Variants in ANK3 observed in about 807,000 individuals in gnomAD.
ANK3 encodes ankyrin 3.
Under a neutral mutation model 370.9 loss-of-function variants are expected in ANK3, and 57 were observed. The observed-to-expected ratio is 0.15, with a 90% CI of 0.12 to 0.19. ANK3 has a LOEUF of 0.19. Ranked by LOEUF, ANK3 falls within the 10% of genes least tolerant of loss-of-function variation. The probability of loss-of-function intolerance (pLI) is 1.00; values close to 1 mark genes in which losing one functional copy is unlikely to be tolerated. For synonymous variants in ANK3, 1,929 were observed against 1,946.3 expected (o/e 0.99, Z 0.23); for missense variants, 4,439 against 5,302.1 (o/e 0.84, Z 5.06).
chr10:60,109,059 G>A lies in ANK3; in HGVS notation c.2949-5C>T. On this transcript the variant is annotated splice_polypyrimidine_tract_variant and splice_region_variant and intron_variant, in intron 26 of 43. Coordinates refer to ENST00000280772, the MANE Select transcript of ANK3 (RefSeq NM_020987.5). The stretch of plus-strand genomic sequence containing the variant: ...ACCATAAAGCTAACCAGAAACCTGA[G>A]GGGAGAAGATCAGAGGCCAATTCAA... 1 of 1,611,168 alleles carries A rather than the reference G, an allele frequency of 6.2e-7. No individual in the cohort carries two copies. The highest frequency in any genetic ancestry group is 1.3e-5 in the African/African-American group (1 of 74,970).
chr10:60,233,531 A>C (rs2132533106), intron 8 of ANK3, among the ~76,000 whole-genome samples: 2 of 152,284 alleles, frequency 1.3e-5, no homozygotes, highest in Middle Eastern at 6.8e-3. Flanking sequence ...TCCTGGGCTC[A>C]AGCGATCCTC....
rs560365253 is a variant in ANK3, at chr10:60,168,635, A to C, written c.2479-1739T>G. On this transcript the variant is annotated intron_variant, in intron 21 of 43. Coordinates refer to ENST00000280772, the MANE Select transcript of ANK3 (RefSeq NM_020987.5). ...AATGTGTGCCATGGTGGTTTACTGC[A>C]CCTATGAACCCATCACCTAGGTATT... 3.3e-5 allele frequency among the ~76,000 whole-genome samples: 5 copies of C among 152,194 alleles called. No individual in the cohort carries two copies. The South Asian group carries it at 6.2e-4, about 19-fold the overall frequency.
chr10:60,127,732 T>C (rs2093839026), intron 25 of ANK3, among the ~76,000 whole-genome samples: 1 of 144,022 alleles, frequency 6.9e-6, no homozygotes, highest in Admixed American at 7.2e-5. Context: ...AGAGTCTCGC[T>C]CTGTCTCCCA....
intron 1 of ANK3, among the ~76,000 whole-genome samples, chr10:60,640,029 T>C (rs1047609338): frequency 4.0e-5 from 6 of 151,770 alleles, no homozygotes; most frequent in Non-Finnish European, 7.4e-5. Context: ...ATCATACAAA[T>C]ACTAACAAAG....
intron 12 of ANK3, among the ~76,000 whole-genome samples, chr10:60,201,092 T>C (rs900299837): frequency 2.0e-5 from 3 of 152,270 alleles, no homozygotes; most frequent in Non-Finnish European, 2.9e-5. Context: ...CTTTGCTTTA[T>C]AGGCCACCTA....
At position 60,443,564 on chromosome 10, in the gene ANK3, C is replaced by T. The variant is rs368878556; in HGVS notation, c.97-163925G>A. 1.8e-3 allele frequency among the ~76,000 whole-genome samples: 268 copies of T among 152,204 alleles called. 1 individual carries two copies. Among genetic ancestry groups the T allele is most frequent in the South Asian group, 4.8e-3 (23 of 4,822 alleles). ...AACATAAACTCCTTCATTTCAGAAC[C>T]CCCGGCGTGACCCATTGCTTTTTGC... On this transcript the variant is annotated intron_variant, in intron 2 of 43. Transcript: ENST00000373827.
intron 9 of ANK3, 101 bp downstream of exon 9, chr10:60,213,311 G>C: frequency 1.3e-6 from 1 of 769,200 alleles, no homozygotes; most frequent in Non-Finnish European, 2.1e-6. Context: ...TACTCTGACT[G>C]CTACATTGAA....
intron 4 of ANK3, among the ~76,000 whole-genome samples, chr10:60,271,910 C>G (rs2097993578): frequency 6.7e-6 from 1 of 150,250 alleles, no homozygotes; most frequent in East Asian, 1.9e-4. Context: ...ATCTAGTTGC[C>G]AAGCTCAAGA....
intron 7 of ANK3, among the ~76,000 whole-genome samples, chr10:60,252,633 T>C (rs907626016): frequency 6.6e-6 from 1 of 152,210 alleles, no homozygotes; most frequent in South Asian, 2.1e-4. Flanking sequence ...CCAATTTCCA[T>C]GATTTCTTTT....
intron 1 of ANK3, among the ~76,000 whole-genome samples, chr10:60,697,178 T>C (rs1230348704): frequency 1.3e-5 from 2 of 150,916 alleles, no homozygotes; most frequent in African/African-American, 2.4e-5. Flanking sequence ...ATAAAATACC[T>C]AGGAATCCAA....
At chr10:60,211,181 C>T (rs866980795) in intron 9 of ANK3, among the ~76,000 whole-genome samples, 4 of 152,098 alleles carry the variant, frequency 2.6e-5, no homozygotes, top group Non-Finnish European at 5.9e-5. Context: ...GTGTATGGAG[C>T]CGTCAGGTCT....
chr10:60,547,613 G>C (rs2076996030), intron 2 of ANK3, among the ~76,000 whole-genome samples: 1 of 150,638 alleles, frequency 6.6e-6, no homozygotes, highest in South Asian at 2.1e-4. Context: ...CTGACCTGGT[G>C]ATCCACCTGC....
chr10:60,337,033 A>AC, intron 1 of ANK3, among the ~76,000 whole-genome samples: 1 of 149,820 alleles, frequency 6.7e-6, no homozygotes, highest in East Asian at 2.1e-4. Flanking sequence ...CTTTAAAAAA[A>AC]AAAACAAACA....
chr10:60,142,041 G>A (rs1017765414), intron 23 of ANK3, among the ~76,000 whole-genome samples: 5 of 152,100 alleles, frequency 3.3e-5, no homozygotes, highest in African/African-American at 7.2e-5. Flanking sequence ...TCTGTATTTC[G>A]AATCGAAACT....
intron 1 of ANK3, among the ~76,000 whole-genome samples, chr10:60,661,785 G>A (rs983093796): frequency 6.6e-6 from 1 of 152,056 alleles, no homozygotes; most frequent in South Asian, 2.1e-4. Context: ...GAATGATGCC[G>A]GCCACCCACT....
intron 1 of ANK3, among the ~76,000 whole-genome samples, chr10:60,625,687 T>C (rs1396313205): frequency 6.6e-6 from 1 of 152,194 alleles, no homozygotes; most frequent in Non-Finnish European, 1.5e-5. Context: ...TACAATCTCA[T>C]CCTGTTTGAT....
chr10:60,638,376 C>T (rs759077611), intron 1 of ANK3, among the ~76,000 whole-genome samples: 3 of 152,142 alleles, frequency 2.0e-5, no homozygotes, highest in Non-Finnish European at 4.4e-5. Context: ...ACAAAACTTA[C>T]AAGCAGCTCC....
chr10:60,616,496 T>C (rs1299382400), intron 1 of ANK3, among the ~76,000 whole-genome samples: 2 of 152,176 alleles, frequency 1.3e-5, no homozygotes, highest in African/African-American at 2.4e-5. Context: ...CCTTTTCCCC[T>C]TAAAATCATA....
rs1445006086 is a variant in ANK3, at chr10:60,075,578, G to C, written c.5303C>G (p.Ser1768Cys). Residue 1768 changes from serine (S) to cysteine (C), a missense_variant, in exon 37 of 44, where the codon TCT becomes TGT. Coordinates refer to ENST00000280772, the MANE Select transcript of ANK3 (RefSeq NM_020987.5). ...GGAAAATGGCATTGCAGTCGTGGTAGAAAACACTTTCTCAACTGTGTCAGT... is the reference window on the plus strand; with the variant it reads ...GGAAAATGGCATTGCAGTCGTGGTACAAAACACTTTCTCAACTGTGTCAGT... ...AATDTVEKVF[S>C]TTTAMPFSPL... The C allele has an allele frequency of 1.9e-6, 3 of 1,614,126 alleles. No homozygotes were observed. Among genetic ancestry groups the C allele is most frequent in the East Asian group, 4.5e-5 (2 of 44,880 alleles).
Sources: gnomAD v4.1 joint callset for allele counts (sites outside exome capture counted in the v4.1 genomes callset) on GRCh38, gnomAD v4.1.1 for gene constraint, MANE v1.5 for transcripts, NCBI Gene and HGNC (gene_info 2026-07-23, HGNC 2026-07-21) for gene names.